PSPC1: variants seen among roughly 807,000 people sequenced by gnomAD.
The protein encoded by PSPC1 is paraspeckle component 1.
PSPC1 carries 14 observed loss-of-function variants against 51.6 expected under a neutral mutation model. The observed-to-expected ratio is 0.27, with a 90% confidence interval of 0.18 to 0.42. The LOEUF is 0.42. Among genes scored for constraint, PSPC1 ranks in the 10% least tolerant of loss-of-function variants. PSPC1 has a pLI of 1.00. For missense variants in PSPC1, 406 were observed against 701.1 expected (o/e 0.58, Z 4.75); for synonymous variants, 193 against 231.9 (o/e 0.83, Z 1.53).
At chr13:19,683,133 A>C (rs1446101682) in intron 6 of PSPC1, among the ~76,000 whole-genome samples, 1 of 152,140 alleles carries the variant, frequency 6.6e-6, no homozygotes, top group East Asian at 1.9e-4. Flanking sequence ...TCTAAGAAAC[A>C]TAAGCTACTC....
At chr13:19,764,238 A>G (rs966556799) in intron 2 of PSPC1, among the ~76,000 whole-genome samples, 1 of 152,100 alleles carries the variant, frequency 6.6e-6, no homozygotes, top group Non-Finnish European at 1.5e-5. Context: ...ACCACTTAAG[A>G]CTTGCCTTTC....
chr13:19,778,915 T>C (rs1593793826), intron 1 of PSPC1, among the ~76,000 whole-genome samples: 1 of 119,384 alleles, frequency 8.4e-6, no homozygotes, highest in South Asian at 3.2e-4. Context: ...CCATCCCATC[T>C]AGGAAGTGAG....
chr13:19,719,918 T>C (rs543835828), intron 6 of PSPC1, among the ~76,000 whole-genome samples: 88 of 152,160 alleles, frequency 5.8e-4, no homozygotes, highest in East Asian at 1.9e-3. Flanking sequence ...CTGAGCTCAA[T>C]TGATCCTCCC....
At chr13:19,677,232 CAAAAA>C (rs144841164) in intron 7 of PSPC1, among the ~76,000 whole-genome samples, 13 of 119,154 alleles carry the variant, frequency 1.1e-4, no homozygotes, top group East Asian at 2.4e-4. Flanking sequence ...GACTCCGTCT[CAAAAA>C]AAAAAAAAAA....
At chr13:19,770,528 A>C (rs953073187) in intron 2 of PSPC1, among the ~76,000 whole-genome samples, 4 of 151,154 alleles carry the variant, frequency 2.6e-5, no homozygotes, top group African/African-American at 9.7e-5. Context: ...TGGCTCATGC[A>C]TGTAATCCCA....
chr13:19,674,898 G>A (rs1209329374), exon 8 of PSPC1: 1 of 152,210 alleles, frequency 6.6e-6, no homozygotes, highest in Admixed American at 6.5e-5. Flanking sequence ...CCACTGACTT[G>A]CAGCTAATGG....
chr13:19,714,122 GCTT>G (rs1881793677), intron 6 of PSPC1, among the ~76,000 whole-genome samples: 1 of 152,158 alleles, frequency 6.6e-6, no homozygotes, highest in South Asian at 2.1e-4. Flanking sequence ...ATGGGTACAT[GCTT>G]TTTTCATGTT....
chr13:19,775,912 G>A (rs993129597), intron 1 of PSPC1, among the ~76,000 whole-genome samples: 14 of 152,086 alleles, frequency 9.2e-5, no homozygotes, highest in South Asian at 2.1e-4. Context: ...TTAGCCGGAC[G>A]TGGCAGTGTG....
At chr13:19,733,548 G>T (rs893001624) in intron 5 of PSPC1, among the ~76,000 whole-genome samples, 5 of 151,920 alleles carry the variant, frequency 3.3e-5, no homozygotes, top group African/African-American at 1.2e-4. Context: ...ATCACTTGAG[G>T]TCAGCAGTTC....
At chr13:19,734,108 C>T (rs1210868281) in intron 5 of PSPC1, among the ~76,000 whole-genome samples, 1 of 152,084 alleles carries the variant, frequency 6.6e-6, no homozygotes, top group African/African-American at 2.4e-5. Flanking sequence ...CATACAGAAA[C>T]ATTCCTGTTG....
At chr13:19,701,972 C>A (rs560485503), downstream of PSPC1, among the ~76,000 whole-genome samples, 5 of 152,104 alleles carry the variant, frequency 3.3e-5, no homozygotes, top group Non-Finnish European at 7.4e-5. Flanking sequence ...GTGATAAAAT[C>A]AGTTTCTCCC....
At chr13:19,779,137 A>G (rs1274772377) in intron 1 of PSPC1, among the ~76,000 whole-genome samples, 6 of 90,584 alleles carry the variant, frequency 6.6e-5, no homozygotes, top group South Asian at 5.1e-4. Context: ...CTGCCTGGCA[A>G]CCGCCCCGTC....
At chr13:19,704,649 C>T (rs925335335) in intron 8 of PSPC1, among the ~76,000 whole-genome samples, 6 of 152,026 alleles carry the variant, frequency 3.9e-5, no homozygotes, top group African/African-American at 1.2e-4. Context: ...AATGAGAAAA[C>T]GGTTTGCCTA....
chr13:19,751,077 T>C (rs538805639), intron 4 of PSPC1, among the ~76,000 whole-genome samples, 194 bp downstream of exon 4: 33 of 152,072 alleles, frequency 2.2e-4, no homozygotes, highest in Non-Finnish European at 3.2e-4. Flanking sequence ...CAAGTAAAAC[T>C]AACTTTTAGT....
chr13:19,709,462 G>A (rs1881131108), intron 7 of PSPC1, 80 bp downstream of exon 7: 2 of 1,120,392 alleles, frequency 1.8e-6, no homozygotes, highest in East Asian at 2.4e-5. Context: ...GTTTCTTACT[G>A]ATATGTAGAT....
intron 6 of PSPC1, among the ~76,000 whole-genome samples, chr13:19,688,678 C>T (rs1022564024): frequency 7.9e-5 from 12 of 152,274 alleles, no homozygotes; most frequent in Non-Finnish European, 1.2e-4. Context: ...CCTTGCTGGA[C>T]GGAGCTTATA....
intron 4 of PSPC1, among the ~76,000 whole-genome samples, chr13:19,745,598 C>T (rs1389696817): frequency 6.6e-6 from 1 of 151,576 alleles, no homozygotes. Flanking sequence ...CTGATCTGTC[C>T]AGATTTATGA....
downstream of PSPC1, among the ~76,000 whole-genome samples, chr13:19,700,099 C>T (rs1448539763): frequency 6.6e-6 from 1 of 152,014 alleles, no homozygotes; most frequent in Non-Finnish European, 1.5e-5. Flanking sequence ...TCATATATGT[C>T]CTTTTTCTCA....
At chr13:19,733,279 A>C (rs1341010584) in intron 5 of PSPC1, among the ~76,000 whole-genome samples, 2 of 152,220 alleles carry the variant, frequency 1.3e-5, no homozygotes, top group East Asian at 3.8e-4. Flanking sequence ...TCTGCGATGC[A>C]AATGTCAGGA....
Sources: allele counts gnomAD v4.1 joint callset (sites outside exome capture counted in the v4.1 genomes callset), GRCh38; gene constraint gnomAD v4.1.1; transcripts MANE v1.5; gene names NCBI Gene and HGNC (gene_info 2026-07-23, HGNC 2026-07-21).